The following RNF19B variants were observed in gnomAD, a reference collection of about 807,000 sequenced individuals.
The protein encoded by RNF19B is E3 ubiquitin-protein ligase RNF19B.
In RNF19B, 23 loss-of-function variants were observed where a neutral mutation model predicts 65.5. The observed-to-expected ratio is 0.35, with a 90% CI of 0.25 to 0.50. The LOEUF is 0.50. RNF19B is among the 20% of genes least tolerant of loss of function. RNF19B has a pLI of 0.98. For missense variants in RNF19B, 794 were observed against 980.0 expected, an observed-to-expected ratio of 0.81 and a Z score of 2.53; for synonymous variants, 372 against 379.6, an observed-to-expected ratio of 0.98 and a Z score of 0.23.
In RNF19B at chr1:32,964,420, T is replaced by G. The variant is rs1642852938; in HGVS notation, c.266A>C (p.Glu89Ala). The G allele has an allele frequency of 7.4e-6, 9 of 1,213,734 alleles. No homozygotes were observed. The highest frequency in any genetic ancestry group is 1.6e-5 in the African/African-American group (1 of 62,032). 75.2% of individuals were successfully genotyped at this position (1,213,734 alleles called of 1,614,324 possible). ...ALPAEPAAEAEAEAAAAAAEP... is the reference protein window; with the variant it reads ...ALPAEPAAEAAAEAAAAAAEP... ...CGCCGCCGCCGCCGCGGCCTCCGCC[T>G]CGGCCTCGGCGGCCGGCTCGGCGGG... The change falls in exon 1 of 9, where the codon GAG (glutamate) becomes GCG (alanine). Residue 89 changes from glutamate to alanine, a missense_variant. Glu to Ala is a moderately radical substitution (Grantham distance 107, BLOSUM62 -1). Coordinates refer to ENST00000235150, the MANE Select transcript of RNF19B (RefSeq NM_001300826.2). The surrounding 1 kb of genome is among the most constrained non-coding windows in gnomAD (Gnocchi z 6.5).
intron 7 of RNF19B, 71 bp from the exon 8 acceptor site, chr1:32,938,599 C>A (rs1642163402): frequency 6.8e-7 from 1 of 1,474,472 alleles, no homozygotes; most frequent in Non-Finnish European, 9.4e-7. Flanking sequence ...TCCTGGCACA[C>A]ATCTCTTCCA....
chr1:32,961,630 T>C (rs376592342), intron 1 of RNF19B, among the ~76,000 whole-genome samples: 1 of 152,040 alleles, frequency 6.6e-6, no homozygotes, highest in Non-Finnish European at 1.5e-5. Context: ...AGATGACACA[T>C]ATAAAAAAAT....
chr1:32,938,287 A>C (rs1276234635), intron 8 of RNF19B, 110 bp downstream of exon 8: 1 of 1,160,032 alleles, frequency 8.6e-7, no homozygotes, highest in East Asian at 2.3e-5. Context: ...GTTACACTAT[A>C]TATCCCAGGA....
intron 1 of RNF19B, among the ~76,000 whole-genome samples, chr1:32,961,436 C>T (rs1265002643): frequency 6.6e-6 from 1 of 152,206 alleles, no homozygotes; most frequent in Non-Finnish European, 1.5e-5. Context: ...GGTTCCACCA[C>T]TTACTAGTTA....
intron 4 of RNF19B, among the ~76,000 whole-genome samples, 192 bp downstream of exon 4, chr1:32,946,210 C>T (rs1476338284): frequency 6.6e-6 from 1 of 152,082 alleles, no homozygotes; most frequent in African/African-American, 2.4e-5. Flanking sequence ...AAGCCAGGCC[C>T]AGGATGTTAA....
chr1:32,940,995 G>C (rs1455869608), intron 7 of RNF19B, among the ~76,000 whole-genome samples: 2 of 152,180 alleles, frequency 1.3e-5, no homozygotes, highest in East Asian at 1.9e-4. Context: ...AGCCAAGTTG[G>C]GAGGATGGCT....
At chr1:32,959,805 A>G (rs1642726494) in intron 1 of RNF19B, among the ~76,000 whole-genome samples, 1 of 150,704 alleles carries the variant, frequency 6.6e-6, no homozygotes, top group South Asian at 2.1e-4. Context: ...TGGGAGGCCG[A>G]GGTGGGCAGA....
chr1:32,964,193 C>T lies in RNF19B; in HGVS notation c.493G>A (p.Glu165Lys), dbSNP rs1436095233. 1 of 1,547,084 alleles carries T rather than the reference C, an allele frequency of 6.5e-7. No homozygotes were observed. The change falls in exon 1 of 9, where the codon GAG (glutamate) becomes AAG (lysine). Residue 165 changes from glutamate (E) to lysine (K), a missense_variant. Around this residue, in one of 3 missense-constraint regions of RNF19B, gnomAD observed 374 missense variants for 423.8 expected, o/e 0.88. Coordinates refer to ENST00000235150, the MANE Select transcript of RNF19B (RefSeq NM_001300826.2). The surrounding 1 kb of genome is among the most constrained non-coding windows in gnomAD (Gnocchi z 6.5). ...SESRVPISCP[E>K]CSERLNPHDI... Reference sequence around the variant, plus strand: ...TGCGGGTTGAGTCGCTCGCTGCACTCGGGGCAGCTGATGGGCACCCTGCTC... The same window carrying T: ...TGCGGGTTGAGTCGCTCGCTGCACTTGGGGCAGCTGATGGGCACCCTGCTC...
At chr1:32,943,547 C>T (rs1017667084) in intron 6 of RNF19B, among the ~76,000 whole-genome samples, 13 of 151,002 alleles carry the variant, frequency 8.6e-5, no homozygotes, top group Non-Finnish European at 1.9e-4. Context: ...ACCTGGGAGG[C>T]GGAGGTTGCA....
At chr1:32,953,242 G>C (rs1053306927) in intron 1 of RNF19B, among the ~76,000 whole-genome samples, 1 of 151,620 alleles carries the variant, frequency 6.6e-6, no homozygotes, top group Non-Finnish European at 1.5e-5. Context: ...CCAAAGCATT[G>C]GGATTACAGG....
At position 32,964,063 on chromosome 1, in the gene RNF19B, G is replaced by A; in HGVS notation, c.623C>T (p.Ala208Val). The change falls in exon 1 of 9, where the codon GCC becomes GTC. Residue 208 changes from alanine to valine, a missense_variant. This residue lies in a region of RNF19B where 374 missense variants were observed against 423.8 expected (regional missense o/e 0.88). Coordinates refer to ENST00000235150, the MANE Select transcript of RNF19B (RefSeq NM_001300826.2). This position sits in a 1 kb window ranked among gnomAD's most constrained non-coding sequence, Gnocchi z 6.5. ...CCCCCGCGCTCACCCGCAGTCCGGG[G>A]CCGGGCACCAGCGGCAGTCGGGGTC... ...ASDPDCRWCPAPDCGYAVIAY... is the reference protein window; with the variant it reads ...ASDPDCRWCPVPDCGYAVIAY... 6.6e-7 allele frequency: 1 copy of A among 1,513,698 alleles called. No individual in the cohort carries two copies. Among genetic ancestry groups the A allele is most frequent in the South Asian group, 1.2e-5 (1 of 80,154 alleles). 93.8% of individuals were successfully genotyped at this position (1,513,698 alleles called of 1,614,324 possible).
intron 1 of RNF19B, among the ~76,000 whole-genome samples, chr1:32,959,012 G>A (rs779651411): frequency 6.6e-6 from 1 of 152,140 alleles, no homozygotes; most frequent in East Asian, 1.9e-4. Flanking sequence ...ATCAAGAGAA[G>A]AGGTTCAGGG....
chr1:32,948,132 G>A, intron 3 of RNF19B, 90 bp downstream of exon 3: 1 of 1,386,524 alleles, frequency 7.2e-7, no homozygotes, highest in Non-Finnish European at 9.9e-7. Flanking sequence ...AACCTGTAAT[G>A]AGAGAACGGA....
downstream of RNF19B, among the ~76,000 whole-genome samples, chr1:32,931,765 C>T (rs551825388): frequency 6.6e-6 from 1 of 152,280 alleles, no homozygotes; most frequent in Non-Finnish European, 1.5e-5. Flanking sequence ...TCCTTTAACC[C>T]CTCTAGTGTA....
At chr1:32,962,423 A>C (rs1053516156) in intron 1 of RNF19B, among the ~76,000 whole-genome samples, 1 of 152,262 alleles carries the variant, frequency 6.6e-6, no homozygotes, top group Non-Finnish European at 1.5e-5. Context: ...ACTGAAAGTG[A>C]AAGTGAGCCA....
intron 4 of RNF19B, among the ~76,000 whole-genome samples, chr1:32,945,950 C>A (rs887462631): frequency 6.6e-6 from 1 of 151,776 alleles, no homozygotes; most frequent in Admixed American, 6.6e-5. Flanking sequence ...GCAACCTCTA[C>A]GTCCCTGGGC....
intron 1 of RNF19B, among the ~76,000 whole-genome samples, chr1:32,963,287 G>A (rs1642814878): frequency 6.6e-6 from 1 of 152,160 alleles, no homozygotes; most frequent in Admixed American, 6.5e-5. Context: ...GTGGTTGTCA[G>A]GGAGAACACG....
At chr1:32,946,647 T>G in intron 3 of RNF19B, 83 bp from the exon 4 acceptor site, 2 of 1,204,280 alleles carry the variant, frequency 1.7e-6, no homozygotes, top group Non-Finnish European at 2.3e-6. Flanking sequence ...AGCAACAGCC[T>G]TCTTTTCAGT....
chr1:32,959,405 G>A (rs904299880), intron 1 of RNF19B, among the ~76,000 whole-genome samples: 1 of 152,194 alleles, frequency 6.6e-6, no homozygotes, highest in Non-Finnish European at 1.5e-5. Context: ...TTAGCAACAG[G>A]ATACTTGAGA....
Sources: allele counts gnomAD v4.1 joint callset (sites outside exome capture counted in the v4.1 genomes callset), GRCh38; gene constraint gnomAD v4.1.1; regional missense constraint gnomAD v4.1.1; non-coding constraint Gnocchi (gnomAD v3.1); transcripts MANE v1.5; gene names NCBI Gene and HGNC (gene_info 2026-07-23, HGNC 2026-07-21).